Variants in KCND2 observed in about 807,000 individuals in gnomAD.
KCND2 encodes potassium voltage-gated channel subfamily D member 2.
A neutral mutation model predicts 54.4 loss-of-function variants in KCND2; 16 were observed. The observed-to-expected ratio is 0.29, with a 90% CI of 0.20 to 0.45. The LOEUF (loss-of-function observed/expected upper bound fraction) is 0.45. Ranked by LOEUF, KCND2 falls within the 20% of genes least tolerant of loss-of-function variation. The pLI is 1.00. For missense variants in KCND2, 486 were observed against 824.2 expected, an observed-to-expected ratio of 0.59 and a Z score of 5.02; for synonymous variants, 317 against 310.7, an observed-to-expected ratio of 1.02 and a Z score of -0.21.
chr7:120,281,277 C>T (rs1799257314), intron 1 of KCND2, among the ~76,000 whole-genome samples: 1 of 151,938 alleles, frequency 6.6e-6, no homozygotes, highest in South Asian at 2.1e-4. Context: ...CTCCCTTCTA[C>T]TCTCCATATG....
chr7:120,687,483 G>C (rs749128956), intron 1 of KCND2, among the ~76,000 whole-genome samples: 1 of 152,044 alleles, frequency 6.6e-6, no homozygotes, highest in Non-Finnish European at 1.5e-5. Flanking sequence ...GTGCTGATTA[G>C]CTTGATTTAA....
chr7:120,404,560 G>T (rs1195417204), intron 1 of KCND2, among the ~76,000 whole-genome samples: 3 of 152,080 alleles, frequency 2.0e-5, no homozygotes, highest in Non-Finnish European at 2.9e-5. Flanking sequence ...ATAACATTAG[G>T]CCAGGGAAAT....
At chr7:120,366,816 A>G (rs1235462957) in intron 1 of KCND2, among the ~76,000 whole-genome samples, 1 of 152,144 alleles carries the variant, frequency 6.6e-6, no homozygotes, top group Non-Finnish European at 1.5e-5. Flanking sequence ...AATCTCTGTC[A>G]TTACTATGTG....
At chr7:120,529,086 G>A (rs1791812251) in intron 1 of KCND2, among the ~76,000 whole-genome samples, 1 of 152,152 alleles carries the variant, frequency 6.6e-6, no homozygotes, top group Non-Finnish European at 1.5e-5. Flanking sequence ...TCTGATGAAG[G>A]TAGAACAGAG....
chr7:120,632,165 G>A (rs1056517288), intron 1 of KCND2, among the ~76,000 whole-genome samples: 1 of 152,070 alleles, frequency 6.6e-6, no homozygotes, highest in Admixed American at 6.6e-5. Flanking sequence ...TGCAGCATCT[G>A]CTATTAAAGT....
chr7:120,371,107 T>A (rs1216990596), intron 1 of KCND2, among the ~76,000 whole-genome samples: 2 of 152,046 alleles, frequency 1.3e-5, no homozygotes, highest in African/African-American at 2.4e-5. Context: ...AGAGAGAACA[T>A]GCCACACCGT....
At chr7:120,608,973 C>T (rs1792917566) in intron 1 of KCND2, among the ~76,000 whole-genome samples, 1 of 152,092 alleles carries the variant, frequency 6.6e-6, no homozygotes, top group African/African-American at 2.4e-5. Flanking sequence ...GTTTATGTGG[C>T]TCAGCTATCT....
chr7:120,620,742 C>A (rs576565175), intron 1 of KCND2, among the ~76,000 whole-genome samples: 7 of 152,248 alleles, frequency 4.6e-5, no homozygotes, highest in South Asian at 2.1e-4. Context: ...GGATCCTGGG[C>A]AAACCCCAAC....
At chr7:120,735,681 A>G (rs556592357) in intron 2 of KCND2, among the ~76,000 whole-genome samples, 2 of 152,178 alleles carry the variant, frequency 1.3e-5, no homozygotes, top group African/African-American at 4.8e-5. Flanking sequence ...TGAAAAGTAT[A>G]TTTTGTGAAT....
intron 1 of KCND2, among the ~76,000 whole-genome samples, chr7:120,363,375 C>T (rs951944825): frequency 1.3e-5 from 2 of 152,000 alleles, no homozygotes; most frequent in Non-Finnish European, 2.9e-5. Flanking sequence ...TTCTGATATT[C>T]CTCATAAAAT....
intron 1 of KCND2, among the ~76,000 whole-genome samples, chr7:120,512,172 T>C (rs1803125537): frequency 6.6e-6 from 1 of 152,118 alleles, no homozygotes; most frequent in Non-Finnish European, 1.5e-5. Context: ...AAAGAATTAA[T>C]GTATTTCAAA....
chr7:120,295,373 C>G (rs1331857778), intron 1 of KCND2, among the ~76,000 whole-genome samples: 1 of 144,244 alleles, frequency 6.9e-6, no homozygotes, highest in Non-Finnish European at 1.5e-5. Context: ...CACACACACA[C>G]ACACACACAC....
At chr7:120,485,655 A>G (rs1382754410) in intron 1 of KCND2, among the ~76,000 whole-genome samples, 1 of 152,226 alleles carries the variant, frequency 6.6e-6, no homozygotes, top group Non-Finnish European at 1.5e-5. Context: ...GGCTAAAAAC[A>G]TTTTTAAAAT....
intron 1 of KCND2, among the ~76,000 whole-genome samples, chr7:120,635,116 T>C (rs995546378): frequency 2.6e-5 from 4 of 152,226 alleles, no homozygotes; most frequent in African/African-American, 9.6e-5. Context: ...TTTACTTTTC[T>C]TCTGAAAATA....
intron 1 of KCND2, among the ~76,000 whole-genome samples, chr7:120,677,158 T>A (rs975112876): frequency 6.6e-6 from 1 of 152,086 alleles, no homozygotes; most frequent in African/African-American, 2.4e-5. Context: ...GTCTTTGGAA[T>A]GGAATAAAGG....
intron 1 of KCND2, among the ~76,000 whole-genome samples, chr7:120,352,250 C>T (rs540638307): frequency 6.6e-6 from 1 of 152,048 alleles, no homozygotes; most frequent in African/African-American, 2.4e-5. Context: ...CTTCTGTTTT[C>T]TGTAACAGTG....
chr7:120,297,910 C>T (rs189472228), intron 1 of KCND2, among the ~76,000 whole-genome samples: 1 of 152,240 alleles, frequency 6.6e-6, no homozygotes, highest in Non-Finnish European at 1.5e-5. Context: ...TAGTTTAGCA[C>T]TGTCCAGTAG....
At chr7:120,608,060 A>G (rs1304183507) in intron 1 of KCND2, among the ~76,000 whole-genome samples, 1 of 151,984 alleles carries the variant, frequency 6.6e-6, no homozygotes, top group East Asian at 1.9e-4. Flanking sequence ...AAAAGATTAC[A>G]AAATTAGACC....
chr7:120,335,641 A>G (rs1792699087), intron 1 of KCND2, among the ~76,000 whole-genome samples: 1 of 151,530 alleles, frequency 6.6e-6, no homozygotes, highest in South Asian at 2.1e-4. Flanking sequence ...GCCCCCCACC[A>G]CGCCTGGCTA....
Sources: gnomAD v4.1 joint callset for allele counts (sites outside exome capture counted in the v4.1 genomes callset) on GRCh38, gnomAD v4.1.1 for gene constraint, MANE v1.5 for transcripts, NCBI Gene and HGNC (gene_info 2026-07-23, HGNC 2026-07-21) for gene names.